The following STYXL2 variants were observed in gnomAD, a reference collection of about 807,000 sequenced individuals.
The protein encoded by STYXL2 is serine/threonine/tyrosine interacting like 2, also known as serine/threonine/tyrosine-interacting-like protein 2.
STYXL2 carries 44 observed loss-of-function variants against 52.4 expected under a neutral mutation model. The observed-to-expected ratio is 0.84, with a 90% CI of 0.66 to 1.08. The LOEUF (loss-of-function observed/expected upper bound fraction) is 1.08, where lower values mean the gene tolerates loss of function less well. Ranked by LOEUF, STYXL2 falls within the 50% of genes least tolerant of loss-of-function variation. The probability of loss-of-function intolerance (pLI) is 0.00; values close to 1 mark genes in which losing one functional copy is unlikely to be tolerated. For synonymous variants in STYXL2, 604 were observed against 586.9 expected (o/e 1.03, Z -0.42); for missense variants, 1,604 against 1,471.7 (o/e 1.09, Z -1.47).
rs1336480480 is a variant in STYXL2, at chr1:167,117,409, T to G, written c.287T>G (p.Leu96Arg). 3.7e-6 allele frequency: 6 copies of G among 1,612,596 alleles called. No homozygotes were observed. In the African/African-American group the frequency reaches 4.0e-5, roughly 11 times the overall value. ...ESAEQLLVEDLYNRVREKMDD... is the reference protein window; with the variant it reads ...ESAEQLLVEDRYNRVREKMDD... The stretch of plus-strand genomic sequence containing the variant: ...GCTGAACAGCTGCTGGTGGAGGACC[T>G]GTACAACCGCGTCAGGGAGAAGATG... The change falls in exon 4 of 6, where the codon CTG becomes CGG. Residue 96 changes from leucine to arginine, a missense_variant. Coordinates refer to ENST00000361200, the MANE Select transcript of STYXL2 (RefSeq NM_001080426.3).
chr1:167,124,558 A>G (rs1190728426), intron 5 of STYXL2, among the ~76,000 whole-genome samples: 2 of 152,222 alleles, frequency 1.3e-5, no homozygotes, highest in African/African-American at 4.8e-5. Flanking sequence ...TGAAGGATGC[A>G]AAGCCGAAAA....
Position 167,126,620 on chromosome 1 carries a change from G to A in STYXL2, c.1489G>A (p.Ala497Thr), listed in dbSNP as rs568837121. 84 of 1,614,054 alleles carry A rather than the reference G, an allele frequency of 5.2e-5. No homozygotes were observed. In the East Asian group the frequency reaches 1.2e-3, roughly 24 times the overall value. Residue 497 changes from alanine to threonine, a missense_variant, in exon 6 of 6, where the codon GCC (alanine) becomes ACC (threonine). By Grantham distance (58) the Ala-to-Thr change is moderately conservative. Transcript: ENST00000361200. The stretch of plus-strand genomic sequence containing the variant: ...GAAGGAGGCTTCCCGGAGGTACCAC[G>A]CCAAGAGCAAGAGAGAGGAGGCGGC... ...IEKEASRRYH[A>T]KSKREEAADR...
At position 167,106,024 on chromosome 1, in the gene STYXL2, A is replaced by G. The variant is rs558537410; in HGVS notation, c.111-7686A>G. Among the ~76,000 whole-genome samples, 11 of 152,298 alleles carry G rather than the reference A, an allele frequency of 7.2e-5. No individual in the cohort carries two copies. The South Asian group carries it at 1.7e-3, about 23-fold the overall frequency. On this transcript the variant is annotated intron_variant, in intron 2 of 5. Transcript: ENST00000361200. ...AGCCGAACTTCAATCTTTACCACCC[A>G]TTAGAAGGAAAGATGTTTCACAGAG... is the stretch of plus-strand genomic sequence containing the variant.
chr1:167,121,814 G>A (rs919581461), intron 5 of STYXL2, among the ~76,000 whole-genome samples: 1 of 152,230 alleles, frequency 6.6e-6, no homozygotes. Flanking sequence ...TGCGCCCTGC[G>A]GGCATCTCCT....
rs1346749582 is a variant in STYXL2 at position 167,094,874 on chromosome 1, G to A, written c.25G>A (p.Glu9Lys). 2.5e-6 allele frequency: 4 copies of A among 1,613,476 alleles called. No individual in the cohort carries two copies. Among genetic ancestry groups the A allele is most frequent in the Non-Finnish European group, 3.4e-6 (4 of 1,179,830 alleles). ...CATGGCGACCAGAAAGGACACAGAG[G>A]AGGAGCAGGTAGTCCCAAGCGAGGA... MATRKDTEEEQVVPSEEDE... is the reference protein window; with the variant it reads MATRKDTEKEQVVPSEEDE... Residue 9 changes from glutamate to lysine, a missense_variant, in exon 2 of 6, where the codon GAG becomes AAG. By Grantham distance (56) the Glu-to-Lys change is moderately conservative. Transcript: ENST00000361200.
chr1:167,098,882 A>T (rs1320010140), intron 2 of STYXL2, among the ~76,000 whole-genome samples: 1 of 152,200 alleles, frequency 6.6e-6, no homozygotes, highest in Admixed American at 6.5e-5. Flanking sequence ...ATTAATTTTC[A>T]TGAGCTAGCC....
chr1:167,127,971 A>T lies in STYXL2; in HGVS notation c.2840A>T (p.Lys947Ile). 2 of 1,614,128 alleles carry T rather than the reference A, an allele frequency of 1.2e-6. No individual in the cohort carries two copies. Among genetic ancestry groups the T allele is most frequent in the Non-Finnish European group, 1.7e-6 (2 of 1,180,010 alleles). ...CTCAGTGGCCTCAGGACGGAGGAAA[A>T]ACCTCCTTTCCAAAGTGACTGGTCT... is the stretch of plus-strand genomic sequence containing the variant. ...KWLSGLRTEE[K>I]PPFQSDWSGS... The change falls in exon 6 of 6, where the codon AAA becomes ATA. Residue 947 changes from lysine to isoleucine, a missense_variant. Coordinates refer to ENST00000361200, the MANE Select transcript of STYXL2 (RefSeq NM_001080426.3).
chr1:167,096,119 G>T, intron 2 of STYXL2, among the ~76,000 whole-genome samples: 1 of 150,382 alleles, frequency 6.6e-6, no homozygotes, highest in East Asian at 1.9e-4. Context: ...TTAGCCAGGT[G>T]TGGTGGTAGG....
In STYXL2 at chr1:167,119,213, C is replaced by T. The variant is rs763460025; in HGVS notation, c.438-36C>T. ...CAGTGGTGACACACCTTTCTAGTTC[C>T]GACTCTTGCAAACAGGTCCCTGCCT... On this transcript the variant is annotated intron_variant, in intron 4 of 5. Coordinates refer to ENST00000361200, the MANE Select transcript of STYXL2 (RefSeq NM_001080426.3). 4.4e-6 allele frequency: 7 copies of T among 1,599,744 alleles called. 1 individual carries two copies. The South Asian group carries it at 5.6e-5, about 13-fold the overall frequency.
At chr1:167,121,061 G>A (rs1299651119) in intron 5 of STYXL2, among the ~76,000 whole-genome samples, 1 of 147,920 alleles carries the variant, frequency 6.8e-6, no homozygotes, top group Non-Finnish European at 1.5e-5. Context: ...GCCCAGTCTA[G>A]AGTGCAATGG....
At chr1:167,116,655 T>TTG (rs1416868068) in intron 3 of STYXL2, among the ~76,000 whole-genome samples, 1 of 148,036 alleles carries the variant, frequency 6.8e-6, no homozygotes, top group Non-Finnish European at 1.5e-5. Flanking sequence ...TTTTTGGTTT[T>TTG]TTTTTTTTTT....
intron 3 of STYXL2, among the ~76,000 whole-genome samples, chr1:167,115,801 G>A (rs1460690956): frequency 6.6e-6 from 1 of 152,172 alleles, no homozygotes; most frequent in Admixed American, 6.6e-5. Flanking sequence ...TTGAAACGGA[G>A]ATCAGAGAAC....
chr1:167,124,615 C>T (rs536058090), intron 5 of STYXL2, among the ~76,000 whole-genome samples: 1 of 152,254 alleles, frequency 6.6e-6, no homozygotes, highest in African/African-American at 2.4e-5. Context: ...AGAGTCAAGA[C>T]TCGCAAAAGC....
chr1:167,119,476 A>C lies in STYXL2; in HGVS notation c.655+10A>C. On this transcript the variant is annotated intron_variant, in intron 5 of 5. Coordinates refer to ENST00000361200, the MANE Select transcript of STYXL2 (RefSeq NM_001080426.3). ...CTGCTGACTTACAGAGGTGAGAGGG[A>C]TCTGCCGCTCCAGGCTGCTGGAATT... 1 of 1,611,764 alleles carries C rather than the reference A, an allele frequency of 6.2e-7. No homozygotes were observed. Among genetic ancestry groups the C allele is most frequent in the Non-Finnish European group, 8.5e-7 (1 of 1,178,252 alleles).
At chr1:167,110,930 C>T (rs1167419803) in intron 2 of STYXL2, among the ~76,000 whole-genome samples, 1 of 152,198 alleles carries the variant, frequency 6.6e-6, no homozygotes, top group Admixed American at 6.5e-5. Flanking sequence ...CTGACGGAAA[C>T]CCCTTGCAGG....
At chr1:167,114,870 C>T (rs1489750100) in intron 3 of STYXL2, among the ~76,000 whole-genome samples, 2 of 152,132 alleles carry the variant, frequency 1.3e-5, no homozygotes, top group Non-Finnish European at 2.9e-5. Flanking sequence ...TGGTCCAGTT[C>T]TCTCTGAATT....
chr1:167,122,234 A>G (rs1667871513), intron 5 of STYXL2, among the ~76,000 whole-genome samples: 1 of 152,012 alleles, frequency 6.6e-6, no homozygotes, highest in South Asian at 2.1e-4. Context: ...AATTCTGAAG[A>G]TGCAGGAAAG....
intron 2 of STYXL2, among the ~76,000 whole-genome samples, chr1:167,112,113 G>A (rs1397621774): frequency 1.3e-5 from 2 of 152,074 alleles, no homozygotes; most frequent in Admixed American, 6.5e-5. Context: ...ACCCCACTCC[G>A]CAGTCATACA....
intron 2 of STYXL2, among the ~76,000 whole-genome samples, chr1:167,112,346 T>TC: frequency 6.6e-6 from 1 of 152,224 alleles, no homozygotes; most frequent in South Asian, 2.1e-4. Context: ...CACACCATTC[T>TC]CCCTAGGGTG....
Sources: allele counts gnomAD v4.1 joint callset (sites outside exome capture counted in the v4.1 genomes callset), GRCh38; gene constraint gnomAD v4.1.1; transcripts MANE v1.5; gene names NCBI Gene and HGNC (gene_info 2026-07-23, HGNC 2026-07-21).